Variants in RGS12 observed in about 807,000 individuals in gnomAD.
The protein encoded by RGS12 is regulator of G protein signaling 12, also known as regulator of G-protein signaling 12.
RGS12 carries 66 observed loss-of-function variants against 120.1 expected under a neutral mutation model. The observed-to-expected ratio is 0.55, with a 90% CI of 0.45 to 0.67. The LOEUF is 0.67. Ranked by LOEUF, RGS12 falls within the 30% of genes least tolerant of loss-of-function variation. RGS12 has a pLI of 0.00. For synonymous variants in RGS12, 827 were observed against 804.7 expected, an observed-to-expected ratio of 1.03 and a Z score of -0.47; for missense variants, 1,859 against 1,957.7, an observed-to-expected ratio of 0.95 and a Z score of 0.95.
intron 2 of RGS12, 38 bp downstream of exon 2, chr4:3,318,089 C>A: frequency 6.5e-7 from 1 of 1,539,450 alleles, no homozygotes; most frequent in Non-Finnish European, 8.8e-7. Flanking sequence ...GGAGGCCCGG[C>A]CTCCTCACTT....
intron 1 of RGS12, among the ~76,000 whole-genome samples, chr4:3,309,361 G>A (rs11935433): frequency 6.1e-4 from 83 of 136,956 alleles, no homozygotes; most frequent in African/African-American, 2.5e-3. Context: ...GCAGGTGTCC[G>A]CTGAGGGGAA....
chr4:3,309,321 G>A (rs114878858), intron 1 of RGS12, among the ~76,000 whole-genome samples: 1,704 of 147,804 alleles, frequency 0.012, no homozygotes, highest in African/African-American at 0.039. Context: ...GAGGAGAACC[G>A]GGTGGGAGAG....
chr4:3,414,214 G>T lies in RGS12; in HGVS notation c.2163G>T (p.Gln721His). Residue 721 changes from glutamine to histidine, a missense_variant, in exon 5 of 18, where the codon CAG becomes CAT. Transcript: ENST00000336727. ...CCGTGTCCTTTGAGCGCCTGCTGCAGGACCCCGTCGGTGTCCGCTACTTCT... is the reference window on the plus strand; with the variant it reads ...CCGTGTCCTTTGAGCGCCTGCTGCATGACCCCGTCGGTGTCCGCTACTTCT... ...SWAVSFERLL[Q>H]DPVGVRYFSD... 1 of 1,546,558 alleles carries T rather than the reference G, an allele frequency of 6.5e-7. No individual in the cohort carries two copies.
At chr4:3,357,108 AT>A (rs1274976844) in intron 3 of RGS12, among the ~76,000 whole-genome samples, 2 of 151,610 alleles carry the variant, frequency 1.3e-5, no homozygotes, top group Non-Finnish European at 2.9e-5. Context: ...CATTTTTTTG[AT>A]TTGTATTTCC....
At chr4:3,428,813 C>T (rs986370071) in intron 16 of RGS12, 102 bp downstream of exon 16, 34 of 1,014,438 alleles carry the variant, frequency 3.4e-5, no homozygotes, top group African/African-American at 6.5e-5. Flanking sequence ...TGGGTGACTG[C>T]GGTCCGTCCC....
intron 4 of RGS12, among the ~76,000 whole-genome samples, chr4:3,403,662 C>A (rs978586479): frequency 6.6e-5 from 10 of 152,208 alleles, no homozygotes; most frequent in Non-Finnish European, 1.5e-4. Context: ...TGTTGAGATG[C>A]AGAGCTGGGC....
Position 3,365,274 on chromosome 4 carries a change from A to G in RGS12, c.1999-21142A>G, listed in dbSNP as rs1319361089. ...GTTCCGTCTGCTGTTTTCATGCTAC[A>G]GCGGCAGAGTGGGGTCGAGTGCGTG... On this transcript the variant is annotated intron_variant, in intron 3 of 17. Transcript: ENST00000336727. The surrounding 1 kb of genome is among the most constrained non-coding windows in gnomAD (Gnocchi z 4.0). Among the ~76,000 whole-genome samples, 1 of 152,174 alleles carries G rather than the reference A, an allele frequency of 6.6e-6. No homozygotes were observed. Among genetic ancestry groups the G allele is most frequent in the Non-Finnish European group, 1.5e-5 (1 of 68,028 alleles).
At chr4:3,416,398 C>A (rs1158571421) in intron 7 of RGS12, among the ~76,000 whole-genome samples, 1 of 152,186 alleles carries the variant, frequency 6.6e-6, no homozygotes, top group Non-Finnish European at 1.5e-5. Context: ...CGATCCTGTG[C>A]GTGTGTGGAA....
chr4:3,290,936 C>A (rs1722990094), upstream of RGS12, among the ~76,000 whole-genome samples: 2 of 152,276 alleles, frequency 1.3e-5, no homozygotes, highest in Non-Finnish European at 1.5e-5. Flanking sequence ...CAGGCAATTT[C>A]TCCCCACTTC....
intron 3 of RGS12, among the ~76,000 whole-genome samples, chr4:3,346,004 G>A (rs1027707460): frequency 2.0e-5 from 3 of 152,004 alleles, no homozygotes; most frequent in African/African-American, 4.8e-5. Context: ...CTGTCTTCCC[G>A]CCTCTGCTGA....
intron 1 of RGS12, among the ~76,000 whole-genome samples, chr4:3,295,707 C>CCAA (rs973925817): frequency 2.0e-5 from 3 of 147,220 alleles, no homozygotes; most frequent in African/African-American, 7.5e-5. Context: ...CAAAGACAAA[C>CCAA]CAACAACAAC....
intron 3 of RGS12, among the ~76,000 whole-genome samples, chr4:3,363,420 G>T (rs1476227668): frequency 6.6e-6 from 1 of 152,006 alleles, no homozygotes; most frequent in Non-Finnish European, 1.5e-5. Context: ...GTTCGTTTTG[G>T]GCTCCAGCCT....
intron 2 of RGS12, among the ~76,000 whole-genome samples, chr4:3,333,009 A>G (rs1712033152): frequency 6.7e-6 from 1 of 148,638 alleles, no homozygotes; most frequent in Non-Finnish European, 1.5e-5. Context: ...TATTTTTAGT[A>G]GAGACAGGGT....
chr4:3,427,978 G>T, intron 14 of RGS12, 112 bp from the exon 15 acceptor site: 1 of 1,001,718 alleles, frequency 1.0e-6, no homozygotes, highest in South Asian at 1.3e-5. Flanking sequence ...GGCAGCAGAT[G>T]CCTTGTGGCT....
Position 3,416,946 on chromosome 4 carries a change from C to T in RGS12, c.2461C>T (p.Arg821Cys), listed in dbSNP as rs1388703455. ...FNLMKFDSYT[R>C]FLKSPLYQEC... ...TCTCATGAAGTTTGATAGCTACACTCGCTTTCTGAAGTCCCCGCTGTACCA... is the reference window on the plus strand; with the variant it reads ...TCTCATGAAGTTTGATAGCTACACTTGCTTTCTGAAGTCCCCGCTGTACCA... Residue 821 changes from arginine (R) to cysteine (C), a missense_variant, in exon 8 of 18, where the codon CGC (arginine) becomes TGC (cysteine). Physicochemically the swap from Arg to Cys is radical, Grantham distance 180. Coordinates refer to ENST00000336727, the MANE Select transcript of RGS12 (RefSeq NM_001394154.1). The T allele has an allele frequency of 3.1e-6, 5 of 1,609,356 alleles. No individual in the cohort carries two copies. The highest frequency in any genetic ancestry group is 4.3e-6 in the Non-Finnish European group (5 of 1,176,466).
intron 3 of RGS12, among the ~76,000 whole-genome samples, chr4:3,382,298 CCT>C (rs1349362632): frequency 6.6e-6 from 1 of 152,154 alleles, no homozygotes; most frequent in Non-Finnish European, 1.5e-5. Context: ...CGCAAGGTGC[CCT>C]CTCCTTCCCT....
Position 3,366,402 on chromosome 4 carries a change from G to A in RGS12, c.1999-20014G>A, listed in dbSNP as rs1199780411. Among the ~76,000 whole-genome samples, 1 of 152,098 alleles carries A rather than the reference G, an allele frequency of 6.6e-6. No homozygotes were observed. The highest frequency in any genetic ancestry group is 6.5e-5 in the Admixed American group (1 of 15,276). On this transcript the variant is annotated intron_variant, in intron 3 of 17. Coordinates refer to ENST00000336727, the MANE Select transcript of RGS12 (RefSeq NM_001394154.1). The surrounding 1 kb of genome is among the most constrained non-coding windows in gnomAD (Gnocchi z 4.0). ...AGAGGCCTCCAGGGTTAAGAGCAGG[G>A]AGAGAATCAGGGCCTGTGCTCATAT...
Position 3,317,088 on chromosome 4 carries a change from G to C in RGS12, c.918G>C (p.Pro306=). ...AEKLAFSAVC[P]DDRRFFGLVT... ...AGCTGGCCTTCAGCGCCGTGTGCCC[G>C]GACGACCGGCGATTTTTCGGGTTGG... Residue 306 remains proline, a synonymous_variant, in exon 2 of 18, where the codon CCG becomes CCC. Coordinates refer to ENST00000336727, the MANE Select transcript of RGS12 (RefSeq NM_001394154.1). The C allele has an allele frequency of 6.2e-7, 1 of 1,613,688 alleles. No individual in the cohort carries two copies. Among genetic ancestry groups the C allele is most frequent in the Non-Finnish European group, 8.5e-7 (1 of 1,180,032 alleles).
intron 17 of RGS12, chr4:3,432,007 C>T (rs1012561059): frequency 6.1e-6 from 6 of 985,312 alleles, no homozygotes; most frequent in East Asian, 1.1e-4. Flanking sequence ...AGCCAGGACA[C>T]GCCTGGATGA....
Sources: allele counts gnomAD v4.1 joint callset (sites outside exome capture counted in the v4.1 genomes callset), GRCh38; gene constraint gnomAD v4.1.1; non-coding constraint Gnocchi (gnomAD v3.1); transcripts MANE v1.5; gene names NCBI Gene and HGNC (gene_info 2026-07-23, HGNC 2026-07-21).